Variants in PKIB observed in about 807,000 individuals in gnomAD.
The protein encoded by PKIB is cAMP-dependent protein kinase inhibitor beta.
PKIB carries 2 observed loss-of-function variants against 4.5 expected under a neutral mutation model. That is an observed-to-expected ratio of 0.44 (90% CI 0.18 to 1.39). The LOEUF (loss-of-function observed/expected upper bound fraction) is 1.39. PKIB is among the 40% of genes most tolerant of loss of function. The pLI is 0.27. For missense variants in PKIB, 94 were observed against 92.6 expected (o/e 1.02, Z -0.06); for synonymous variants, 38 against 36.0 (o/e 1.06, Z -0.20).
intron 2 of PKIB, among the ~76,000 whole-genome samples, chr6:122,556,186 C>T (rs1772835411): frequency 6.6e-6 from 1 of 152,134 alleles, no homozygotes; most frequent in African/African-American, 2.4e-5. Context: ...TGCCTTTGCT[C>T]AGCACTTCTT....
chr6:122,588,621 A>C (rs1230151612), intron 3 of PKIB, among the ~76,000 whole-genome samples: 1 of 152,182 alleles, frequency 6.6e-6, no homozygotes, highest in Non-Finnish European at 1.5e-5. Flanking sequence ...TTTTTTAAAA[A>C]ATCACACATT....
At chr6:122,583,839 G>A (rs1193057602) in intron 2 of PKIB, among the ~76,000 whole-genome samples, 2 of 152,076 alleles carry the variant, frequency 1.3e-5, no homozygotes, top group East Asian at 1.9e-4. Context: ...AGTGAGAATA[G>A]AGCAAAGAGG....
At chr6:122,560,027 C>T (rs1772968295) in intron 2 of PKIB, among the ~76,000 whole-genome samples, 1 of 152,074 alleles carries the variant, frequency 6.6e-6, no homozygotes, top group Non-Finnish European at 1.5e-5. Context: ...ATCAGATGCC[C>T]TTTATTTCTT....
chr6:122,578,624 G>A (rs1182301810), intron 2 of PKIB, among the ~76,000 whole-genome samples: 2 of 151,934 alleles, frequency 1.3e-5, no homozygotes, highest in African/African-American at 4.8e-5. Flanking sequence ...CCTGATCTTG[G>A]TCTCTGTTGC....
chr6:122,530,262 A>G (rs1777217367), intron 2 of PKIB, among the ~76,000 whole-genome samples: 1 of 152,012 alleles, frequency 6.6e-6, no homozygotes, highest in Non-Finnish European at 1.5e-5. Flanking sequence ...TCAGCTCCAG[A>G]ATTTCTGTGT....
At chr6:122,665,129 G>C (rs1312354450) in intron 2 of PKIB, among the ~76,000 whole-genome samples, 2 of 151,854 alleles carry the variant, frequency 1.3e-5, no homozygotes, top group African/African-American at 4.8e-5. Flanking sequence ...CATATACCTG[G>C]GTTAAAAAAA....
At chr6:122,684,177 G>A (rs564329901) in intron 3 of PKIB, among the ~76,000 whole-genome samples, 2 of 152,208 alleles carry the variant, frequency 1.3e-5, no homozygotes, top group South Asian at 4.2e-4. Context: ...TGGTTGCCAG[G>A]AGATTGCAGA....
At chr6:122,637,819 A>G (rs1775984999) in intron 2 of PKIB, among the ~76,000 whole-genome samples, 1 of 152,188 alleles carries the variant, frequency 6.6e-6, no homozygotes, top group South Asian at 2.1e-4. Flanking sequence ...AGTAAAGACC[A>G]GTGATAATAT....
intron 4 of PKIB, among the ~76,000 whole-genome samples, chr6:122,721,655 T>G (rs1202602140): frequency 1.3e-5 from 2 of 152,092 alleles, no homozygotes; most frequent in Admixed American, 1.3e-4. Flanking sequence ...AAATAGGAAA[T>G]GTAAAAAAAT....
chr6:122,695,003 G>A (rs551941354), intron 3 of PKIB, among the ~76,000 whole-genome samples: 6 of 152,124 alleles, frequency 3.9e-5, no homozygotes, highest in South Asian at 2.1e-4. Flanking sequence ...GGGTTCCTAC[G>A]CTGCATTCTT....
intron 2 of PKIB, among the ~76,000 whole-genome samples, chr6:122,495,522 G>A (rs1297929723): frequency 6.6e-6 from 1 of 151,894 alleles, no homozygotes; most frequent in African/African-American, 2.4e-5. Flanking sequence ...CTTGACTTCT[G>A]GGCTAGCCCA....
chr6:122,478,234 A>G (rs1387680652), intron 2 of PKIB: 1 of 152,052 alleles, frequency 6.6e-6, no homozygotes, highest in Non-Finnish European at 1.5e-5. Flanking sequence ...ACCACAGGCC[A>G]TTTTTTTAAT....
intron 3 of PKIB, among the ~76,000 whole-genome samples, chr6:122,599,810 A>G (rs928883998): frequency 2.6e-5 from 4 of 152,168 alleles, no homozygotes; most frequent in East Asian, 1.9e-4. Flanking sequence ...TATTAGTAGT[A>G]GAGTCCCTAG....
chr6:122,533,171 T>G (rs1424597518), intron 2 of PKIB, among the ~76,000 whole-genome samples: 1 of 151,390 alleles, frequency 6.6e-6, no homozygotes, highest in East Asian at 1.9e-4. Flanking sequence ...TATTTATTTA[T>G]TTATTTATTT....
At chr6:122,603,748 T>C (rs1046819801) in intron 3 of PKIB, among the ~76,000 whole-genome samples, 8 of 152,230 alleles carry the variant, frequency 5.3e-5, no homozygotes, top group African/African-American at 1.7e-4. Context: ...CCCAAAGTGC[T>C]GGGATTACAG....
At chr6:122,605,043 C>G (rs1004336992) in intron 3 of PKIB, among the ~76,000 whole-genome samples, 1 of 152,176 alleles carries the variant, frequency 6.6e-6, no homozygotes, top group African/African-American at 2.4e-5. Flanking sequence ...CTGTAGCACC[C>G]TTTCTGCTAT....
At chr6:122,712,967 G>T (rs899420817) in intron 3 of PKIB, among the ~76,000 whole-genome samples, 2 of 152,084 alleles carry the variant, frequency 1.3e-5, no homozygotes, top group Non-Finnish European at 2.9e-5. Context: ...GTTCTGACTG[G>T]TGATTTTTTA....
At chr6:122,549,941 GTC>G (rs1468888890) in intron 2 of PKIB, among the ~76,000 whole-genome samples, 1 of 151,014 alleles carries the variant, frequency 6.6e-6, no homozygotes, top group Non-Finnish European at 1.5e-5. Context: ...TTGAGACAGA[GTC>G]TTGCTCTGTC....
At chr6:122,717,209 T>C (rs1562317942) in intron 3 of PKIB, among the ~76,000 whole-genome samples, 1 of 4,134 alleles carries the variant, frequency 2.4e-4, no homozygotes, top group East Asian at 0.5. Context: ...AAATAGGTCC[T>C]ACTCTTCAAC....
Sources: allele counts gnomAD v4.1 joint callset (sites outside exome capture counted in the v4.1 genomes callset), GRCh38; gene constraint gnomAD v4.1.1; transcripts MANE v1.5; gene names NCBI Gene and HGNC (gene_info 2026-07-23, HGNC 2026-07-21).